TAFA1: variants seen among roughly 807,000 people sequenced by gnomAD.
The protein encoded by TAFA1 is chemokine-like protein TAFA-1.
TAFA1 carries 4 observed loss-of-function variants against 18.5 expected under a neutral mutation model. The ratio of observed to expected loss-of-function variants is 0.22; its 90% CI spans 0.11 to 0.49. The LOEUF (loss-of-function observed/expected upper bound fraction) is 0.49. Ranked by LOEUF, TAFA1 falls within the 20% of genes least tolerant of loss-of-function variation. TAFA1 has a pLI of 0.98. For synonymous variants in TAFA1, 56 were observed against 55.2 expected, an observed-to-expected ratio of 1.01 and a Z score of -0.06; for missense variants, 147 against 169.0, an observed-to-expected ratio of 0.87 and a Z score of 0.72.
At chr3:68,016,141 G>C (rs1704566085) in intron 2 of TAFA1, among the ~76,000 whole-genome samples, 1 of 152,188 alleles carries the variant, frequency 6.6e-6, no homozygotes, top group Admixed American at 6.5e-5. Context: ...TAACCCTGTA[G>C]TCTGTAATGA....
At chr3:68,301,142 AC>A (rs2068297137) in intron 2 of TAFA1, among the ~76,000 whole-genome samples, 1 of 151,900 alleles carries the variant, frequency 6.6e-6, no homozygotes, top group Admixed American at 6.6e-5. Flanking sequence ...TTCAATCCTA[AC>A]CCCACCCCCA....
rs1377061548 is a variant in TAFA1, at chr3:68,545,086, C to T, written c.*583C>T. 1 of 152,546 alleles carries T rather than the reference C, an allele frequency of 6.6e-6. No homozygotes were observed. The highest frequency in any genetic ancestry group is 1.5e-5 in the Non-Finnish European group (1 of 68,038). The allele number at this position is 152,546 out of a possible 1,614,324, so 9.4% of individuals were successfully genotyped here. On this transcript the variant is annotated 3_prime_UTR_variant, in exon 5 of 5. Transcript: ENST00000478136. ...AATCAAGAACTTCCTTCTGCTTCTA[C>T]CAGATGGCCCAAGGAAGCACATCGT...
intron 2 of TAFA1, among the ~76,000 whole-genome samples, chr3:68,303,574 G>A (rs934347817): frequency 1.3e-5 from 2 of 151,902 alleles, no homozygotes; most frequent in East Asian, 1.9e-4. Context: ...TCAGCCTCCC[G>A]AGTAGCTGAA....
intron 2 of TAFA1, among the ~76,000 whole-genome samples, chr3:68,123,703 A>T (rs926100424): frequency 7.9e-5 from 12 of 152,058 alleles, no homozygotes; most frequent in Admixed American, 6.6e-4. Context: ...CATTGTGTCC[A>T]TGGGAAGTAT....
At chr3:68,043,370 C>A (rs962899642) in intron 2 of TAFA1, among the ~76,000 whole-genome samples, 1 of 152,042 alleles carries the variant, frequency 6.6e-6, no homozygotes, top group South Asian at 2.1e-4. Flanking sequence ...TATTTTTGTT[C>A]TTTATAAGCC....
chr3:68,349,206 G>A (rs1195844635), intron 2 of TAFA1, among the ~76,000 whole-genome samples: 4 of 151,454 alleles, frequency 2.6e-5, no homozygotes, highest in East Asian at 2.0e-4. Context: ...GTTTTGGGGG[G>A]GTTTGGCTTG....
At chr3:68,080,343 T>C (rs2064880650) in intron 2 of TAFA1, among the ~76,000 whole-genome samples, 1 of 152,184 alleles carries the variant, frequency 6.6e-6, no homozygotes, top group South Asian at 2.1e-4. Flanking sequence ...TGTGTGAATT[T>C]GATCCTGTCA....
At chr3:68,313,526 G>A (rs1028582185) in intron 2 of TAFA1, among the ~76,000 whole-genome samples, 5 of 152,210 alleles carry the variant, frequency 3.3e-5, no homozygotes, top group Middle Eastern at 3.4e-3. Context: ...ATCTACCCCC[G>A]CAAAGTTGTT....
chr3:68,208,507 A>G (rs1264923241), intron 2 of TAFA1, among the ~76,000 whole-genome samples: 1 of 151,942 alleles, frequency 6.6e-6, no homozygotes, highest in Admixed American at 6.6e-5. Flanking sequence ...TATGTCACCA[A>G]TCAGGACAAG....
At chr3:68,489,302 C>T (rs1267696713) in intron 3 of TAFA1, among the ~76,000 whole-genome samples, 1 of 152,170 alleles carries the variant, frequency 6.6e-6, no homozygotes, top group Non-Finnish European at 1.5e-5. Flanking sequence ...TACCTATCAT[C>T]ACCATGAAGG....
At chr3:68,369,640 C>A (rs1236103293) in intron 2 of TAFA1, among the ~76,000 whole-genome samples, 1 of 152,142 alleles carries the variant, frequency 6.6e-6, no homozygotes, top group East Asian at 1.9e-4. Flanking sequence ...CATTTTATAG[C>A]CCTTGTTCAA....
At chr3:68,468,424 G>A (rs114448368) in intron 3 of TAFA1, among the ~76,000 whole-genome samples, 1,869 of 152,290 alleles carry the variant, frequency 0.012, 16 homozygotes, top group Non-Finnish European at 0.017. Context: ...ATCAAAAGAT[G>A]TCATTGAAGT....
chr3:68,237,760 C>A (rs2066945600), intron 2 of TAFA1, among the ~76,000 whole-genome samples: 1 of 151,980 alleles, frequency 6.6e-6, no homozygotes, highest in South Asian at 2.1e-4. Context: ...TTGGTCAGAG[C>A]CCAATCAGAA....
rs183981014 is a variant in TAFA1, at chr3:68,261,529, C to G, written c.119-155751C>G. ...TGGAACCAACCCAAATGTCCAACAA[C>G]AATAGACTGGATTAAGAAAATGTGG... On this transcript the variant is annotated intron_variant, in intron 2 of 4. Coordinates refer to ENST00000478136, the MANE Select transcript of TAFA1 (RefSeq NM_213609.4). 4.6e-5 allele frequency among the ~76,000 whole-genome samples: 7 copies of G among 152,132 alleles called. No individual in the cohort carries two copies. The East Asian group carries it at 1.4e-3, about 29-fold the overall frequency.
intron 2 of TAFA1, among the ~76,000 whole-genome samples, chr3:68,303,472 A>G (rs1312463382): frequency 6.6e-6 from 1 of 151,802 alleles, no homozygotes; most frequent in South Asian, 2.1e-4. Context: ...ACAGAGTGTC[A>G]CTCTGTCACC....
intron 2 of TAFA1, among the ~76,000 whole-genome samples, chr3:68,048,015 T>C (rs192661697): frequency 3.1e-4 from 47 of 152,180 alleles, no homozygotes; most frequent in African/African-American, 9.9e-4. Context: ...CCAAGCTTAA[T>C]TGTAGAGAAA....
intron 3 of TAFA1, among the ~76,000 whole-genome samples, chr3:68,472,003 C>T (rs1437961744): frequency 6.6e-6 from 1 of 152,116 alleles, no homozygotes; most frequent in East Asian, 1.9e-4. Context: ...TGAGTTAATG[C>T]TGAAATGAGC....
At position 68,165,008 on chromosome 3, in the gene TAFA1, A is replaced by C. The variant is rs530300548; in HGVS notation, c.118+158264A>C. Among the ~76,000 whole-genome samples the C allele has an allele frequency of 2.6e-5, 4 of 152,222 alleles. No homozygotes were observed. In the South Asian group the frequency reaches 8.3e-4, roughly 31 times the overall value. On this transcript the variant is annotated intron_variant, in intron 2 of 4. Transcript: ENST00000478136. ...CTTCCTTCTATGTTGTGAATGAACA[A>C]AGAATAGCTGTTCATACATGAACTC...
chr3:68,383,978 A>G (rs552443545), intron 2 of TAFA1, among the ~76,000 whole-genome samples: 3 of 151,850 alleles, frequency 2.0e-5, no homozygotes, highest in African/African-American at 7.2e-5. Context: ...GGTATTCATA[A>G]TATTTTCTGA....
Sources: gnomAD v4.1 joint callset for allele counts (sites outside exome capture counted in the v4.1 genomes callset) on GRCh38, gnomAD v4.1.1 for gene constraint, MANE v1.5 for transcripts, NCBI Gene and HGNC (gene_info 2026-07-23, HGNC 2026-07-21) for gene names.